Variants in CPE observed in about 807,000 individuals in gnomAD.
CPE encodes the protein carbocypeptidase E.
Under a neutral mutation model 53.5 loss-of-function variants are expected in CPE, and 17 were observed. The observed-to-expected ratio is 0.32, with a 90% CI of 0.22 to 0.48. The LOEUF is 0.48. CPE is among the 20% of genes least tolerant of loss of function. The pLI, the probability that CPE is intolerant of heterozygous loss-of-function variation, is 0.99. For missense variants in CPE, 524 were observed against 614.7 expected, an observed-to-expected ratio of 0.85 and a Z score of 1.56; for synonymous variants, 226 against 228.8, an observed-to-expected ratio of 0.99 and a Z score of 0.11.
intron 1 of CPE, among the ~76,000 whole-genome samples, chr4:165,461,940 T>G (rs1233926386): frequency 6.6e-6 from 1 of 152,244 alleles, no homozygotes; most frequent in African/African-American, 2.4e-5. Context: ...TTTGCTATCA[T>G]ATGTGCCTTG....
intron 3 of CPE, among the ~76,000 whole-genome samples, chr4:165,476,423 T>G (rs1313101901): frequency 6.6e-6 from 1 of 151,988 alleles, no homozygotes; most frequent in Non-Finnish European, 1.5e-5. Context: ...CATGCTCACT[T>G]GAGGCGTTCG....
At chr4:165,475,821 GC>G (rs1292071387) in intron 3 of CPE, among the ~76,000 whole-genome samples, 2 of 152,108 alleles carry the variant, frequency 1.3e-5, no homozygotes, top group African/African-American at 4.8e-5. Context: ...ACCCCTCCGA[GC>G]CACCCATTAG....
chr4:165,451,105 A>C (rs1267964473), intron 1 of CPE, among the ~76,000 whole-genome samples: 1 of 152,216 alleles, frequency 6.6e-6, no homozygotes, highest in Non-Finnish European at 1.5e-5. Flanking sequence ...GATCTGCCGA[A>C]TTGGAATCTG....
rs754217127 is a variant in CPE, at chr4:165,467,673, CTTT to C, written c.505-5_505-3del. ...AGCAACTAATGATTTTTCTCTTTGACTTTTTTTTTTTTAGCCTGGTGAACTCAA... is the reference window on the plus strand; with the variant it reads ...AGCAACTAATGATTTTTCTCTTTGACTTTTTTTTTAGCCTGGTGAACTCAA... On this transcript the variant is annotated splice_polypyrimidine_tract_variant and intron_variant, in intron 2 of 8. Transcript: ENST00000402744. The C allele has an allele frequency of 2.4e-5, 31 of 1,295,486 alleles. No homozygotes were observed. Among genetic ancestry groups the C allele is most frequent in the South Asian group, 1.0e-4 (7 of 70,312 alleles). 80.2% of individuals were successfully genotyped at this position (1,295,486 alleles called of 1,614,324 possible).
At chr4:165,472,585 G>C (rs1033568772) in intron 3 of CPE, among the ~76,000 whole-genome samples, 1 of 152,162 alleles carries the variant, frequency 6.6e-6, no homozygotes, top group Non-Finnish European at 1.5e-5. Context: ...CTAAAAGTCT[G>C]TTGTGCTTTT....
intron 1 of CPE, chr4:165,381,401 GTGGAAAAA>G: frequency 2.3e-6 from 1 of 436,762 alleles, no homozygotes; most frequent in Non-Finnish European, 4.6e-6. Context: ...AATATGCAGT[GTGGAAAAA>G]ATGAATCCAT....
intron 1 of CPE, among the ~76,000 whole-genome samples, chr4:165,430,175 A>T (rs1049821175): frequency 5.9e-5 from 9 of 152,190 alleles, no homozygotes; most frequent in Admixed American, 5.9e-4. Flanking sequence ...TTCATTTTTT[A>T]AAAAATATTG....
intron 1 of CPE, among the ~76,000 whole-genome samples, chr4:165,392,314 G>A (rs1401626645): frequency 6.9e-6 from 1 of 144,562 alleles, no homozygotes; most frequent in East Asian, 2.0e-4. Flanking sequence ...AATATATCAT[G>A]TATTGTAAAT....
At chr4:165,424,290 G>GTT (rs1352903097) in intron 1 of CPE, among the ~76,000 whole-genome samples, 21 of 142,692 alleles carry the variant, frequency 1.5e-4, no homozygotes, top group African/African-American at 4.9e-4. Flanking sequence ...TACATACTCT[G>GTT]TTTTTTTTTT....
chr4:165,382,027 A>C (rs760930679), intron 1 of CPE, among the ~76,000 whole-genome samples: 5 of 152,254 alleles, frequency 3.3e-5, no homozygotes, highest in Admixed American at 6.5e-5. Flanking sequence ...GCAATAGAGA[A>C]TTGGGAGCTT....
chr4:165,460,063 A>G (rs1731974298), intron 1 of CPE, among the ~76,000 whole-genome samples: 1 of 152,062 alleles, frequency 6.6e-6, no homozygotes, highest in Non-Finnish European at 1.5e-5. Flanking sequence ...GAGTTAACAC[A>G]CAGGGACGTG....
At chr4:165,429,079 C>A (rs1388837113) in intron 1 of CPE, among the ~76,000 whole-genome samples, 1 of 152,140 alleles carries the variant, frequency 6.6e-6, no homozygotes, top group African/African-American at 2.4e-5. Context: ...ATTTAACCAC[C>A]CCTGCAACTC....
intron 7 of CPE, among the ~76,000 whole-genome samples, chr4:165,494,890 A>G (rs1180456999): frequency 6.6e-6 from 1 of 152,112 alleles, no homozygotes; most frequent in Non-Finnish European, 1.5e-5. Context: ...GAAAAAGGAG[A>G]AGGTGTGAAG....
At chr4:165,429,519 A>G (rs1193225518) in intron 1 of CPE, among the ~76,000 whole-genome samples, 1 of 152,052 alleles carries the variant, frequency 6.6e-6, no homozygotes, top group Non-Finnish European at 1.5e-5. Context: ...CCTGGGCAAC[A>G]TGGTGAAACC....
chr4:165,459,678 G>GT (rs1560888567), intron 1 of CPE, among the ~76,000 whole-genome samples: 2 of 131,954 alleles, frequency 1.5e-5, no homozygotes, highest in African/African-American at 3.2e-5. Context: ...GCTGGGTGGG[G>GT]GGGGGCGGGG....
chr4:165,468,046 T>C (rs747421668), intron 3 of CPE, among the ~76,000 whole-genome samples, 191 bp downstream of exon 3: 2 of 152,076 alleles, frequency 1.3e-5, no homozygotes, highest in Non-Finnish European at 2.9e-5. Flanking sequence ...GGGCCGTAGG[T>C]GGAGAGGAGT....
intron 1 of CPE, among the ~76,000 whole-genome samples, chr4:165,442,023 G>GTTTTTTTTTTTTTGTTTTTTTTTTTT (rs11415472): frequency 9.3e-6 from 1 of 107,476 alleles, no homozygotes; most frequent in Non-Finnish European, 1.8e-5. Flanking sequence ...CGGTGAGTTT[G>GTTTTTTTTTTTTTGTTTTTTTTTTTT]TTTTTTTTTT....
At chr4:165,425,040 G>A (rs1731295354) in intron 1 of CPE, among the ~76,000 whole-genome samples, 1 of 151,772 alleles carries the variant, frequency 6.6e-6, no homozygotes, top group African/African-American at 2.4e-5. Context: ...ACCATGCCCA[G>A]CTAATTTTTG....
chr4:165,379,361 A>G lies in CPE; in HGVS notation c.140A>G (p.Asp47Gly). The G allele has an allele frequency of 6.3e-7, 1 of 1,599,138 alleles. No individual in the cohort carries two copies. The highest frequency in any genetic ancestry group is 1.8e-4 in the Middle Eastern group (1 of 5,492). Residue 47 changes from aspartate (D) to glycine (G), a missense_variant, in exon 1 of 9, where the codon GAC becomes GGC. Coordinates refer to ENST00000402744, the MANE Select transcript of CPE (RefSeq NM_001873.4). This position sits in a 1 kb window ranked among gnomAD's most constrained non-coding sequence, Gnocchi z 6.0. ...CGGCGCCGGCGGCTGCAGCAAGAGG[A>G]CGGCATCTCCTTCGAGTACCACCGC... ...MRRRRRLQQE[D>G]GISFEYHRYP... is the part of the protein sequence containing the mutation.
Sources: gnomAD v4.1 joint callset for allele counts (sites outside exome capture counted in the v4.1 genomes callset) on GRCh38, gnomAD v4.1.1 for gene constraint, Gnocchi (gnomAD v3.1) non-coding constraint, MANE v1.5 for transcripts, NCBI Gene and HGNC (gene_info 2026-07-23, HGNC 2026-07-21) for gene names.